Variants in ASH1L observed in about 807,000 individuals in gnomAD.
ASH1L encodes ASH1 like histone lysine methyltransferase, also known as histone-lysine N-methyltransferase ASH1L.
A neutral mutation model predicts 269.0 loss-of-function variants in ASH1L; 23 were observed. The ratio of observed to expected loss-of-function variants is 0.09; its 90% CI spans 0.06 to 0.12. The LOEUF (loss-of-function observed/expected upper bound fraction) is 0.12. ASH1L is among the 10% of genes least tolerant of loss of function. The pLI is 1.00. For missense variants in ASH1L, 2,912 were observed against 3,567.8 expected (o/e 0.82, Z 4.68); for synonymous variants, 1,187 against 1,253.5 (o/e 0.95, Z 1.12).
Position 155,367,577 on chromosome 1 carries a change from T to C in ASH1L, c.6686+2927A>G, listed in dbSNP as rs561142095. 9.2e-5 allele frequency among the ~76,000 whole-genome samples: 14 copies of C among 152,318 alleles called. 2 individuals are homozygous for C. In the South Asian group the frequency reaches 2.3e-3, roughly 25 times the overall value. On this transcript the variant is annotated intron_variant, in intron 12 of 27. Coordinates refer to ENST00000392403, the MANE Select transcript of ASH1L (RefSeq NM_018489.3). ...ATCCTTATTTATGTATAATGGTAGCTAAAGATTTTTTAAAAATGGATTTCC... is the reference window on the plus strand; with the variant it reads ...ATCCTTATTTATGTATAATGGTAGCCAAAGATTTTTTAAAAATGGATTTCC...
At chr1:155,374,757 T>TG (rs1347477977) in intron 10 of ASH1L, among the ~76,000 whole-genome samples, 1 of 152,218 alleles carries the variant, frequency 6.6e-6, no homozygotes, top group Non-Finnish European at 1.5e-5. Flanking sequence ...TCTAGAGAGC[T>TG]GATCTATAAT....
At chr1:155,435,018 C>T (rs1661972595) in intron 5 of ASH1L, among the ~76,000 whole-genome samples, 1 of 151,826 alleles carries the variant, frequency 6.6e-6, no homozygotes, top group Admixed American at 6.6e-5. Context: ...ATTAGCTGGG[C>T]ATGGTGGCGC....
At chr1:155,409,630 T>C (rs1659597143) in intron 6 of ASH1L, among the ~76,000 whole-genome samples, 1 of 152,164 alleles carries the variant, frequency 6.6e-6, no homozygotes. Context: ...TATTAAGTTT[T>C]ATTTATTTTT....
intron 12 of ASH1L, among the ~76,000 whole-genome samples, chr1:155,367,487 TTTA>T (rs1344816018): frequency 2.6e-5 from 4 of 152,312 alleles, no homozygotes; most frequent in East Asian, 3.9e-4. Context: ...ATTTCTAATC[TTTA>T]TACTTTTTTC....
chr1:155,472,676 G>A (rs1481200471), intron 3 of ASH1L, among the ~76,000 whole-genome samples: 1 of 152,152 alleles, frequency 6.6e-6, no homozygotes, highest in Non-Finnish European at 1.5e-5. Context: ...AATGAAAAAG[G>A]GCCTGCCAAT....
intron 7 of ASH1L, among the ~76,000 whole-genome samples, chr1:155,392,973 C>T (rs917684301): frequency 6.6e-6 from 1 of 152,034 alleles, no homozygotes; most frequent in African/African-American, 2.4e-5. Context: ...CAAGTGTGAG[C>T]CACCGCGTCC....
intron 2 of ASH1L, among the ~76,000 whole-genome samples, chr1:155,491,597 A>AT (rs2148765600): frequency 6.6e-6 from 1 of 152,340 alleles, no homozygotes; most frequent in African/African-American, 2.4e-5. Flanking sequence ...GTCTGATTTC[A>AT]TAACTAAAGT....
intron 2 of ASH1L, among the ~76,000 whole-genome samples, chr1:155,513,004 A>G (rs959888728): frequency 6.6e-6 from 1 of 151,774 alleles, no homozygotes; most frequent in Non-Finnish European, 1.5e-5. Context: ...TCAAGGCTAC[A>G]GTGAGCCTAA....
chr1:155,359,422 A>G (rs1377172168), intron 13 of ASH1L, among the ~76,000 whole-genome samples: 3 of 152,058 alleles, frequency 2.0e-5, no homozygotes, highest in East Asian at 1.9e-4. Flanking sequence ...GACTACAAGC[A>G]TGTAACACCA....
At chr1:155,411,586 A>AATAAATAAATAAATATATATATATATAT (rs1297131961) in intron 6 of ASH1L, among the ~76,000 whole-genome samples, 53 of 55,096 alleles carry the variant, frequency 9.6e-4, no homozygotes, top group Non-Finnish European at 1.4e-3. Flanking sequence ...TAAATAAATA[A>AATAAATAAATAAATATATATATATATAT]ATATATATAT....
At chr1:155,454,584 A>G (rs1207865547) in intron 4 of ASH1L, among the ~76,000 whole-genome samples, 2 of 152,122 alleles carry the variant, frequency 1.3e-5, no homozygotes, top group Admixed American at 6.6e-5. Flanking sequence ...CCTGGCCAAC[A>G]TGGTGAAACC....
intron 1 of ASH1L, among the ~76,000 whole-genome samples, chr1:155,553,382 A>C (rs1671347626): frequency 6.6e-6 from 1 of 152,194 alleles, no homozygotes; most frequent in Admixed American, 6.5e-5. Context: ...TTTTTGTCTA[A>C]GAAAAGTATT....
Position 155,358,424 on chromosome 1 carries a change from T to C in ASH1L, c.6796-675A>G, listed in dbSNP as rs151286075. The stretch of plus-strand genomic sequence containing the variant: ...TAAAAAGGCCAGGCATGGTGGCTCA[T>C]GCCTGTAATCCAGCACTTTGGGAGG... On this transcript the variant is annotated intron_variant, in intron 13 of 27. Coordinates refer to ENST00000392403, the MANE Select transcript of ASH1L (RefSeq NM_018489.3). Among the ~76,000 whole-genome samples, 382 of 151,840 alleles carry C rather than the reference T, an allele frequency of 2.5e-3. 1 individual carries two copies. The highest frequency in any genetic ancestry group is 0.022 in the East Asian group (113 of 5,108).
intron 1 of ASH1L, among the ~76,000 whole-genome samples, chr1:155,541,577 G>A (rs1190782497): frequency 6.6e-6 from 1 of 152,034 alleles, no homozygotes; most frequent in Non-Finnish European, 1.5e-5. Flanking sequence ...TACAAAGTTA[G>A]ACAAATTTTT....
At chr1:155,403,497 T>C (rs758005699) in intron 6 of ASH1L, among the ~76,000 whole-genome samples, 18 of 152,196 alleles carry the variant, frequency 1.2e-4, no homozygotes, top group Non-Finnish European at 2.4e-4. Context: ...CTCTAAGCCT[T>C]AGCTTCTTCA....
intron 20 of ASH1L, among the ~76,000 whole-genome samples, chr1:155,347,336 G>A (rs952406912): frequency 6.6e-6 from 1 of 152,166 alleles, no homozygotes; most frequent in African/African-American, 2.4e-5. Flanking sequence ...GAGCCTGGGA[G>A]GCAGAGGTTG....
chr1:155,546,158 C>CAAAAA (rs57715557), intron 1 of ASH1L, among the ~76,000 whole-genome samples: 1 of 110,766 alleles, frequency 9.0e-6, no homozygotes, highest in Non-Finnish European at 1.7e-5. Context: ...ATTCCATCAC[C>CAAAAA]AAAAAAAAAA....
chr1:155,535,828 G>C (rs1474100007), intron 1 of ASH1L, among the ~76,000 whole-genome samples: 1 of 151,852 alleles, frequency 6.6e-6, no homozygotes, highest in African/African-American at 2.4e-5. Flanking sequence ...GAAAAACACT[G>C]TCTCTAATAA....
At chr1:155,484,852 C>T (rs1286450805) in intron 2 of ASH1L, among the ~76,000 whole-genome samples, 1 of 147,960 alleles carries the variant, frequency 6.8e-6, no homozygotes, top group Non-Finnish European at 1.5e-5. Flanking sequence ...TTGCTTGAAC[C>T]TGGGAGGGGG....
Sources: allele counts gnomAD v4.1 joint callset (sites outside exome capture counted in the v4.1 genomes callset), GRCh38; gene constraint gnomAD v4.1.1; transcripts MANE v1.5; gene names NCBI Gene and HGNC (gene_info 2026-07-23, HGNC 2026-07-21).